The following UBE2E2 variants were observed in gnomAD, a reference collection of about 807,000 sequenced individuals.
UBE2E2 encodes the protein ubiquitin conjugating enzyme E2 E2, also known as ubiquitin-conjugating enzyme E2 E2.
A neutral mutation model predicts 24.7 loss-of-function variants in UBE2E2; 6 were observed. That is an observed-to-expected ratio of 0.24 (90% CI 0.13 to 0.48). The LOEUF is 0.48. UBE2E2 is among the 20% of genes least tolerant of loss of function. UBE2E2 has a pLI of 0.99. For missense variants in UBE2E2, 169 were observed against 245.0 expected (o/e 0.69, Z 2.07); for synonymous variants, 104 against 83.6 (o/e 1.24, Z -1.33).
intron 3 of UBE2E2, among the ~76,000 whole-genome samples, chr3:23,411,813 G>T (rs1389583317): frequency 6.6e-6 from 1 of 151,984 alleles, no homozygotes; most frequent in Non-Finnish European, 1.5e-5. Flanking sequence ...ACCTTCTAAG[G>T]GTTCAGTGAT....
At chr3:23,234,118 T>C (rs1697037671) in intron 3 of UBE2E2, among the ~76,000 whole-genome samples, 1 of 152,010 alleles carries the variant, frequency 6.6e-6, no homozygotes, top group Non-Finnish European at 1.5e-5. Context: ...TACTTGGGTG[T>C]GGGTTGGTGA....
At chr3:23,223,472 C>A (rs768607596) in intron 3 of UBE2E2, among the ~76,000 whole-genome samples, 2 of 152,044 alleles carry the variant, frequency 1.3e-5, no homozygotes, top group Admixed American at 1.3e-4. Context: ...GTATTACAGG[C>A]GTGAGCTGCG....
chr3:23,377,428 G>T (rs1213713416), intron 3 of UBE2E2, among the ~76,000 whole-genome samples: 2 of 152,166 alleles, frequency 1.3e-5, no homozygotes, highest in East Asian at 3.8e-4. Flanking sequence ...AATAAGGTTG[G>T]TATTATTTCC....
intron 3 of UBE2E2, among the ~76,000 whole-genome samples, chr3:23,242,863 A>T (rs907684492): frequency 2.6e-5 from 4 of 152,102 alleles, no homozygotes; most frequent in African/African-American, 9.7e-5. Flanking sequence ...AGGCGGGAGG[A>T]TCACCTGAGG....
At chr3:23,331,763 C>T (rs1379947364) in intron 3 of UBE2E2, among the ~76,000 whole-genome samples, 1 of 151,998 alleles carries the variant, frequency 6.6e-6, no homozygotes, top group Non-Finnish European at 1.5e-5. Context: ...CATGATGAAT[C>T]CCGTAGGATA....
At chr3:23,568,811 A>G (rs950789970) in intron 5 of UBE2E2, among the ~76,000 whole-genome samples, 31 of 151,308 alleles carry the variant, frequency 2.0e-4, no homozygotes, top group African/African-American at 7.0e-4. Context: ...AGAATAAGCT[A>G]TTCTTTAAAA....
Position 23,350,804 on chromosome 3 carries a change from AACACTCT to A in UBE2E2, c.227+133496_227+133502del, listed in dbSNP as rs544821084. On this transcript the variant is annotated intron_variant, in intron 3 of 5. Transcript: ENST00000396703. ...CGGGGAGAAAGGAACCAAGTGGGAA[AACACTCT>A]ACAGGATATTGTCCAGGAGAACTTC... Among the ~76,000 whole-genome samples, 99 of 152,342 alleles carry A rather than the reference AACACTCT, an allele frequency of 6.5e-4. 1 individual carries two copies. The highest frequency in any genetic ancestry group is 2.3e-3 in the African/African-American group (97 of 41,578).
intron 3 of UBE2E2, among the ~76,000 whole-genome samples, chr3:23,391,380 C>T (rs943445540): frequency 1.3e-5 from 2 of 152,136 alleles, no homozygotes; most frequent in African/African-American, 4.8e-5. Flanking sequence ...AGGAATGTGG[C>T]CACAGTATGC....
intron 3 of UBE2E2, among the ~76,000 whole-genome samples, chr3:23,382,135 A>AGT (rs1696684271): frequency 6.6e-6 from 1 of 151,946 alleles, no homozygotes; most frequent in Non-Finnish European, 1.5e-5. Context: ...ATATCAACAA[A>AGT]CTAAGGTGAT....
chr3:23,298,232 A>G (rs1431357882), intron 3 of UBE2E2, among the ~76,000 whole-genome samples: 1 of 152,176 alleles, frequency 6.6e-6, no homozygotes, highest in East Asian at 1.9e-4. Context: ...GTCGTCTGCA[A>G]ACAGGGACAA....
At chr3:23,475,671 A>G (rs1699115535) in intron 3 of UBE2E2, among the ~76,000 whole-genome samples, 1 of 152,056 alleles carries the variant, frequency 6.6e-6, no homozygotes, top group African/African-American at 2.4e-5. Context: ...TTTATTTGGG[A>G]ACTTACAGAT....
At chr3:23,429,907 G>A (rs887236017) in intron 3 of UBE2E2, among the ~76,000 whole-genome samples, 5 of 152,188 alleles carry the variant, frequency 3.3e-5, no homozygotes, top group Non-Finnish European at 7.4e-5. Context: ...TTGAGATGGA[G>A]TCTCGGCCTG....
intron 3 of UBE2E2, among the ~76,000 whole-genome samples, chr3:23,330,220 C>T (rs763228487): frequency 6.6e-6 from 1 of 152,186 alleles, no homozygotes; most frequent in Non-Finnish European, 1.5e-5. Context: ...TAAATATGTA[C>T]TTCAGAGCTG....
In UBE2E2 at chr3:23,270,927, G is replaced by A. The variant is rs550471775; in HGVS notation, c.227+53615G>A. 2.0e-5 allele frequency: 9 copies of A among 456,682 alleles called. No individual in the cohort carries two copies. The East Asian group carries it at 3.5e-4, about 18-fold the overall frequency. The allele number at this position is 456,682 out of a possible 1,614,324, so 28.3% of individuals were successfully genotyped here. A position where few individuals can be genotyped will look rare whatever the true frequency, so the allele number is the denominator to read the frequency against. On this transcript the variant is annotated intron_variant, in intron 3 of 5. Transcript: ENST00000396703. ...TTTATGAAATCCTGCTGACAACTAA[G>A]TTTATACTCCATTTGTTAACAGGCT...
At chr3:23,216,398 T>C (rs1018223638) in intron 2 of UBE2E2, among the ~76,000 whole-genome samples, 1 of 152,184 alleles carries the variant, frequency 6.6e-6, no homozygotes, top group Non-Finnish European at 1.5e-5. Context: ...TCAGTTATTA[T>C]TGATATACTG....
At position 23,394,809 on chromosome 3, in the gene UBE2E2, T is replaced by C. The variant is rs916040503; in HGVS notation, c.228-104799T>C. 4.0e-5 allele frequency among the ~76,000 whole-genome samples: 6 copies of C among 151,862 alleles called. 1 individual carries two copies. Among genetic ancestry groups the C allele is most frequent in the African/African-American group, 1.2e-4 (5 of 41,416 alleles). ...AAAAGGTAGAACAGCACTCAGAAGG[T>C]GTTCTACCTTTGAATAGCCAGCTTT... On this transcript the variant is annotated intron_variant, in intron 3 of 5. Coordinates refer to ENST00000396703, the MANE Select transcript of UBE2E2 (RefSeq NM_152653.4).
chr3:23,238,145 ATAGT>A (rs1348650511), intron 3 of UBE2E2, among the ~76,000 whole-genome samples: 6 of 152,158 alleles, frequency 3.9e-5, no homozygotes, highest in African/African-American at 1.2e-4. Flanking sequence ...TTCCCTTGAA[ATAGT>A]TAGAGAAAAA....
intron 3 of UBE2E2, among the ~76,000 whole-genome samples, chr3:23,306,629 A>T (rs969669283): frequency 6.6e-6 from 1 of 152,160 alleles, no homozygotes; most frequent in Admixed American, 6.5e-5. Flanking sequence ...GCACTGATTG[A>T]TGATTTATGG....
At chr3:23,518,298 G>GCT (rs1385153843) in intron 4 of UBE2E2, among the ~76,000 whole-genome samples, 1 of 152,158 alleles carries the variant, frequency 6.6e-6, no homozygotes, top group East Asian at 1.9e-4. Flanking sequence ...ACAGAAGAGA[G>GCT]AGATTGCCTG....
Sources: allele counts gnomAD v4.1 joint callset (sites outside exome capture counted in the v4.1 genomes callset), GRCh38; gene constraint gnomAD v4.1.1; transcripts MANE v1.5; gene names NCBI Gene and HGNC (gene_info 2026-07-23, HGNC 2026-07-21).